Variants in LAMA2 observed in about 807,000 individuals in gnomAD.
LAMA2 encodes laminin subunit alpha-2.
A neutral mutation model predicts 364.8 loss-of-function variants in LAMA2; 269 were observed. The ratio of observed to expected loss-of-function variants is 0.74; its 90% CI spans 0.67 to 0.82. LAMA2 has a LOEUF of 0.82. Among genes scored for constraint, LAMA2 ranks in the 40% least tolerant of loss-of-function variants. The pLI, the probability that LAMA2 is intolerant of heterozygous loss-of-function variation, is 0.00. For missense variants in LAMA2, 3,807 were observed against 3,873.2 expected (o/e 0.98, Z 0.45); for synonymous variants, 1,379 against 1,370.6 (o/e 1.01, Z -0.14).
rs116814861 is a variant in LAMA2, at chr6:128,951,775, T to C, written c.112+68418T>C. 2.4e-3 allele frequency among the ~76,000 whole-genome samples: 368 copies of C among 152,354 alleles called. 2 individuals are homozygous for C. Among genetic ancestry groups the C allele is most frequent in the African/African-American group, 7.8e-3 (325 of 41,588 alleles). On this transcript the variant is annotated intron_variant, in intron 1 of 64. Transcript: ENST00000421865. Reference sequence around the variant, plus strand: ...TCACAGAAATGTTGTTTATCCACTTTGGCTATTTTGTTTAAAAAAAACTTT... The same window carrying C: ...TCACAGAAATGTTGTTTATCCACTTCGGCTATTTTGTTTAAAAAAAACTTT...
At chr6:128,918,537 C>T (rs1778493599) in intron 1 of LAMA2, among the ~76,000 whole-genome samples, 1 of 152,162 alleles carries the variant, frequency 6.6e-6, no homozygotes, top group Non-Finnish European at 1.5e-5. Flanking sequence ...CTCCTATCCT[C>T]CCGTAAACAC....
intron 4 of LAMA2, among the ~76,000 whole-genome samples, chr6:129,125,353 A>G (rs141960281): frequency 6.6e-6 from 1 of 152,330 alleles, no homozygotes; most frequent in African/African-American, 2.4e-5. Context: ...TAAAGATACG[A>G]ATTAGAGAAT....
At chr6:129,375,706 C>G (rs1399313584) in intron 34 of LAMA2, among the ~76,000 whole-genome samples, 1 of 152,164 alleles carries the variant, frequency 6.6e-6, no homozygotes, top group Non-Finnish European at 1.5e-5. Flanking sequence ...CTGTATAACA[C>G]TTTCTTTGGT....
chr6:129,205,116 A>G (rs66966156), intron 12 of LAMA2, among the ~76,000 whole-genome samples: 39,623 of 151,918 alleles, frequency 0.26, 5,548 homozygotes, highest in African/African-American at 0.37. Context: ...ATAGCTGGGC[A>G]GGGTGGCTCA....
At chr6:129,115,613 C>T (rs1776431338) in intron 4 of LAMA2, among the ~76,000 whole-genome samples, 1 of 152,054 alleles carries the variant, frequency 6.6e-6, no homozygotes, top group Non-Finnish European at 1.5e-5. Context: ...TGTTTTCTCT[C>T]CTACCAGCTT....
chr6:129,101,932 T>C (rs1775541361), intron 4 of LAMA2, among the ~76,000 whole-genome samples: 1 of 152,236 alleles, frequency 6.6e-6, no homozygotes, highest in Admixed American at 6.5e-5. Flanking sequence ...CTATGTATTT[T>C]AAACTCTCTT....
At chr6:129,296,175 C>T (rs956941269) in intron 20 of LAMA2, among the ~76,000 whole-genome samples, 4 of 151,880 alleles carry the variant, frequency 2.6e-5, no homozygotes, top group Non-Finnish European at 5.9e-5. Context: ...TAACATTGTA[C>T]AGTTAAGTGC....
chr6:129,507,634 C>T lies in LAMA2; in HGVS notation c.8849C>T (p.Ala2950Val). ...ACATATTTTGACGGAACCGGTTTTGCCAAAGCAGGTAAGGCTCTTTCATTT... is the reference window on the plus strand; with the variant it reads ...ACATATTTTGACGGAACCGGTTTTGTCAAAGCAGGTAAGGCTCTTTCATTT... Reference protein sequence around the residue: ...RGTYFDGTGFAKAVGGFKVGL... With the variant: ...RGTYFDGTGFVKAVGGFKVGL... Residue 2950 changes from alanine to valine, a missense_variant, in exon 62 of 65, where the codon GCC becomes GTC. By Grantham distance (64) the Ala-to-Val change is moderately conservative. This residue lies in a region of LAMA2 where 3,333 missense variants were observed against 3,345.7 expected (regional missense o/e 1.00). Transcript: ENST00000421865. The T allele has an allele frequency of 6.2e-7, 1 of 1,614,046 alleles. No individual in the cohort carries two copies. The highest frequency in any genetic ancestry group is 2.2e-5 in the East Asian group (1 of 44,876).
intron 62 of LAMA2, among the ~76,000 whole-genome samples, chr6:129,511,243 G>A (rs984680908): frequency 2.0e-5 from 3 of 152,054 alleles, no homozygotes; most frequent in Admixed American, 6.6e-5. Flanking sequence ...AAGTTTTCCA[G>A]CGACCCAATC....
In LAMA2 at chr6:129,128,314, A is replaced by G. The variant is rs891897778; in HGVS notation, c.640-15587A>G. 2.0e-5 allele frequency among the ~76,000 whole-genome samples: 3 copies of G among 152,312 alleles called. No individual in the cohort carries two copies. In the East Asian group the frequency reaches 5.8e-4, roughly 29 times the overall value. Reference sequence around the variant, plus strand: ...TCAAAAATAAATTGGTTGTACATGCATAAGTTGATTTCTGGGCTATTATGC... The same window carrying G: ...TCAAAAATAAATTGGTTGTACATGCGTAAGTTGATTTCTGGGCTATTATGC... On this transcript the variant is annotated intron_variant, in intron 4 of 64. Coordinates refer to ENST00000421865, the MANE Select transcript of LAMA2 (RefSeq NM_000426.4).
At chr6:129,149,688 G>A (rs548834123) in intron 7 of LAMA2, among the ~76,000 whole-genome samples, 5 of 151,814 alleles carry the variant, frequency 3.3e-5, no homozygotes, top group East Asian at 1.9e-4. Context: ...ATATAAAGTC[G>A]GCCTTCCATA....
In LAMA2 at chr6:129,172,600, T is replaced by C. The variant is rs556213954; in HGVS notation, c.1307-5106T>C. On this transcript the variant is annotated intron_variant, in intron 9 of 64. Coordinates refer to ENST00000421865, the MANE Select transcript of LAMA2 (RefSeq NM_000426.4). ...CAAAGCTGTCAGAGGGACATTTAAG[T>C]CTGCAGAGGTTACTGCTGTCTTTTT... Among the ~76,000 whole-genome samples, 9 of 152,332 alleles carry C rather than the reference T, an allele frequency of 5.9e-5. 1 individual carries two copies. The South Asian group carries it at 1.9e-3, about 32-fold the overall frequency.
At chr6:128,949,657 A>G (rs900041015) in intron 1 of LAMA2, among the ~76,000 whole-genome samples, 2 of 152,046 alleles carry the variant, frequency 1.3e-5, no homozygotes, top group African/African-American at 4.8e-5. Context: ...ATTACATAAC[A>G]TGAAACAAAA....
chr6:129,103,756 TG>T (rs1197102666), intron 4 of LAMA2, among the ~76,000 whole-genome samples: 2 of 152,102 alleles, frequency 1.3e-5, no homozygotes, highest in African/African-American at 4.8e-5. Context: ...TCTTTTTTAT[TG>T]GTTTATGGGG....
intron 40 of LAMA2, among the ~76,000 whole-genome samples, chr6:129,405,552 A>G (rs1346173184): frequency 6.6e-6 from 1 of 152,106 alleles, no homozygotes; most frequent in East Asian, 1.9e-4. Flanking sequence ...CTCTTTCCAC[A>G]ATCATTTAAA....
At chr6:129,430,970 G>C (rs922499682) in intron 41 of LAMA2, among the ~76,000 whole-genome samples, 1 of 151,962 alleles carries the variant, frequency 6.6e-6, no homozygotes, top group African/African-American at 2.4e-5. Context: ...AAAAGTTTGA[G>C]AATATTAAGA....
intron 4 of LAMA2, among the ~76,000 whole-genome samples, chr6:129,132,989 A>T (rs985628707): frequency 6.6e-6 from 1 of 152,140 alleles, no homozygotes; most frequent in Admixed American, 6.5e-5. Flanking sequence ...ACTATGGTTA[A>T]CTCTCTGAAC....
intron 28 of LAMA2, among the ~76,000 whole-genome samples, chr6:129,326,649 C>T (rs1775304031): frequency 2.0e-5 from 3 of 149,094 alleles, no homozygotes; most frequent in Admixed American, 1.4e-4. Flanking sequence ...TAGTAACACA[C>T]ATGCATGCAC....
Position 129,309,901 on chromosome 6 carries a change from C to CTTTTTTTTTTTT in LAMA2, c.3175-2960_3175-2959insTTTTTTTTTTTT, listed in dbSNP as rs1562443403. Among the ~76,000 whole-genome samples the CTTTTTTTTTTTT allele has an allele frequency of 6.6e-4, 88 of 133,712 alleles. 2 individuals are homozygous for CTTTTTTTTTTTT. In the East Asian group the frequency reaches 0.019, roughly 29 times the overall value. 87.7% of individuals were successfully genotyped at this position (133,712 alleles called of 152,430 possible). A position where few individuals can be genotyped will look rare whatever the true frequency, so the allele number is the denominator to read the frequency against. ...AAGAAATAAAGCTAATCCTGATAAT[C>CTTTTTTTTTTTT]ATTTTTTTTTTTTTTTGAGACGGAG... On this transcript the variant is annotated intron_variant, in intron 22 of 64. Coordinates refer to ENST00000421865, the MANE Select transcript of LAMA2 (RefSeq NM_000426.4).
Sources: allele counts gnomAD v4.1 joint callset (sites outside exome capture counted in the v4.1 genomes callset), GRCh38; gene constraint gnomAD v4.1.1; regional missense constraint gnomAD v4.1.1; transcripts MANE v1.5; gene names NCBI Gene and HGNC (gene_info 2026-07-23, HGNC 2026-07-21).